Variants in MITF observed in about 807,000 individuals in gnomAD.
MITF encodes the protein melanocyte inducing transcription factor.
MITF carries 17 observed loss-of-function variants against 60.5 expected under a neutral mutation model. The observed-to-expected ratio is 0.28, with a 90% CI of 0.19 to 0.42. The LOEUF (loss-of-function observed/expected upper bound fraction) is 0.42, where lower values mean the gene tolerates loss of function less well. Among genes scored for constraint, MITF ranks in the 10% least tolerant of loss-of-function variants. The pLI, the probability that MITF is intolerant of heterozygous loss-of-function variation, is 1.00. For missense variants in MITF, 622 were observed against 683.5 expected, an observed-to-expected ratio of 0.91 and a Z score of 1.00; for synonymous variants, 260 against 248.5, an observed-to-expected ratio of 1.05 and a Z score of -0.43.
intron 2 of MITF, among the ~76,000 whole-genome samples, chr3:69,935,833 CAAT>C (rs1363011011): frequency 6.6e-6 from 1 of 151,906 alleles, no homozygotes; most frequent in Non-Finnish European, 1.5e-5. Flanking sequence ...ACTTAACAGT[CAAT>C]AATGAATGAA....
chr3:69,806,185 A>G (rs1325794076), intron 1 of MITF, among the ~76,000 whole-genome samples: 1 of 151,778 alleles, frequency 6.6e-6, no homozygotes, highest in Non-Finnish European at 1.5e-5. Flanking sequence ...CCCGGGTTCA[A>G]GTGATTCTCC....
At chr3:69,792,429 G>A (rs1272417180) in intron 1 of MITF, among the ~76,000 whole-genome samples, 1 of 151,282 alleles carries the variant, frequency 6.6e-6, no homozygotes, top group Non-Finnish European at 1.5e-5. Context: ...CCCTTCTTAA[G>A]CTCAAGCTTT....
At chr3:69,796,494 C>CTTTTTGTTTTTTTTTTTTTTTTT (rs2062830159) in intron 1 of MITF, among the ~76,000 whole-genome samples, 1 of 80,328 alleles carries the variant, frequency 1.2e-5, no homozygotes, top group Non-Finnish European at 2.6e-5. Context: ...CACCGTCTTT[C>CTTTTTGTTTTTTTTTTTTTTTTT]TTTTTTTTTT....
intron 7 of MITF, among the ~76,000 whole-genome samples, chr3:69,955,169 C>G (rs2066365363): frequency 6.6e-6 from 1 of 152,066 alleles, no homozygotes; most frequent in Admixed American, 6.6e-5. Context: ...AGTACAGTAG[C>G]CATTCACCAC....
intron 1 of MITF, among the ~76,000 whole-genome samples, chr3:69,785,884 G>C (rs1348406934): frequency 6.6e-6 from 1 of 152,136 alleles, no homozygotes; most frequent in Admixed American, 6.5e-5. Context: ...CATCCAGGGT[G>C]ATCTGTACCG....
At chr3:69,960,059 C>T (rs2066502326) in intron 9 of MITF, among the ~76,000 whole-genome samples, 1 of 152,102 alleles carries the variant, frequency 6.6e-6, no homozygotes, top group South Asian at 2.1e-4. Flanking sequence ...ACTTGTAATT[C>T]CCCTGGGAAC....
At chr3:69,747,222 A>G (rs183437247) in intron 1 of MITF, among the ~76,000 whole-genome samples, 15 of 152,368 alleles carry the variant, frequency 9.8e-5, no homozygotes, top group Admixed American at 8.5e-4. Flanking sequence ...ACAGTTAACA[A>G]TGAACCAAAT....
intron 1 of MITF, among the ~76,000 whole-genome samples, chr3:69,746,977 C>G (rs76619626): frequency 3.6e-3 from 551 of 152,296 alleles, no homozygotes; most frequent in Non-Finnish European, 5.3e-3. Flanking sequence ...GTCTTTCCCT[C>G]CTGTGGCTTT....
At chr3:69,898,641 A>G (rs1156364230) in intron 2 of MITF, among the ~76,000 whole-genome samples, 5 of 152,218 alleles carry the variant, frequency 3.3e-5, no homozygotes, top group South Asian at 2.1e-4. Flanking sequence ...TTATGAAGCA[A>G]TGTAAAAACA....
intron 1 of MITF, among the ~76,000 whole-genome samples, chr3:69,838,387 A>T (rs1195486200): frequency 6.6e-6 from 1 of 151,824 alleles, no homozygotes; most frequent in African/African-American, 2.4e-5. Flanking sequence ...CAAAAATGTG[A>T]TGAGTAAATG....
intron 1 of MITF, among the ~76,000 whole-genome samples, chr3:69,766,540 G>C (rs764216762): frequency 6.6e-6 from 1 of 151,620 alleles, no homozygotes; most frequent in Non-Finnish European, 1.5e-5. Flanking sequence ...TTATCATTTT[G>C]TCTTATCCCA....
intron 1 of MITF, among the ~76,000 whole-genome samples, chr3:69,833,337 G>A (rs967674329): frequency 2.0e-5 from 3 of 151,914 alleles, no homozygotes; most frequent in African/African-American, 4.8e-5. Flanking sequence ...TTGTTTCCCT[G>A]TTCACACTGT....
At chr3:69,768,699 GT>G (rs1024522256) in intron 1 of MITF, among the ~76,000 whole-genome samples, 5 of 152,160 alleles carry the variant, frequency 3.3e-5, no homozygotes, top group African/African-American at 7.2e-5. Context: ...TTAAAGTGAT[GT>G]TTTGGTACAG....
At chr3:69,957,117 C>T (rs2066418256) in intron 8 of MITF, among the ~76,000 whole-genome samples, 2 of 152,174 alleles carry the variant, frequency 1.3e-5, no homozygotes, top group Admixed American at 1.3e-4. Flanking sequence ...TCTCTTTACC[C>T]ACCCTGTCCC....
At position 69,959,436 on chromosome 3, in the gene MITF, T is replaced by A. The variant is rs2107538282; in HGVS notation, c.1179+16T>A. The A allele has an allele frequency of 1.2e-6, 2 of 1,613,746 alleles. No individual in the cohort carries two copies. Among genetic ancestry groups the A allele is most frequent in the Non-Finnish European group, 1.7e-6 (2 of 1,179,784 alleles). ...CAGAATACAGGTACGCAGCCTGAGT[T>A]GTGTAAAGTTTACTGCTTTTTACCG... On this transcript the variant is annotated intron_variant, in intron 9 of 9. Transcript: ENST00000352241.
chr3:69,935,813 A>G (rs1033563474), intron 2 of MITF, among the ~76,000 whole-genome samples: 7 of 152,188 alleles, frequency 4.6e-5, no homozygotes, highest in African/African-American at 1.7e-4. Context: ...TGCTTTGTAC[A>G]GTGTTTAGCA....
At chr3:69,807,315 A>T (rs942315594) in intron 1 of MITF, among the ~76,000 whole-genome samples, 1 of 152,142 alleles carries the variant, frequency 6.6e-6, no homozygotes, top group Non-Finnish European at 1.5e-5. Context: ...CAACCTAAGG[A>T]TCTCTTAACT....
chr3:69,938,563 G>A (rs778001557), intron 3 of MITF: 233 of 1,394,120 alleles, frequency 1.7e-4, no homozygotes, highest in Middle Eastern at 2.5e-4. Context: ...TAACGGAAAC[G>A]CAAAGGTTTA....
chr3:69,963,967 T>TTTC (rs2066615779), intron 9 of MITF, among the ~76,000 whole-genome samples: 1 of 141,952 alleles, frequency 7.0e-6, no homozygotes, highest in Non-Finnish European at 1.5e-5. Flanking sequence ...TCTTTTTTCT[T>TTTC]TTCTTTTTTT....
Sources: allele counts gnomAD v4.1 joint callset (sites outside exome capture counted in the v4.1 genomes callset), GRCh38; gene constraint gnomAD v4.1.1; transcripts MANE v1.5; gene names NCBI Gene and HGNC (gene_info 2026-07-23, HGNC 2026-07-21).